The following KHDRBS2 variants were observed in gnomAD, a reference collection of about 807,000 sequenced individuals.
KHDRBS2 encodes the protein KH RNA binding domain containing, signal transduction associated 2, also known as KH domain-containing, RNA-binding, signal transduction-associated protein 2.
KHDRBS2 carries 26 observed loss-of-function variants against 44.3 expected under a neutral mutation model. The observed-to-expected ratio is 0.59, with a 90% confidence interval of 0.43 to 0.81. The LOEUF is 0.81. KHDRBS2 is among the 40% of genes least tolerant of loss of function. KHDRBS2 has a pLI of 0.00. For synonymous variants in KHDRBS2, 194 were observed against 151.1 expected, an observed-to-expected ratio of 1.28 and a Z score of -2.08; for missense variants, 476 against 433.1, an observed-to-expected ratio of 1.10 and a Z score of -0.88.
intron 2 of KHDRBS2, among the ~76,000 whole-genome samples, chr6:62,063,016 C>A (rs1175870102): frequency 2.7e-5 from 4 of 150,758 alleles, no homozygotes; most frequent in African/African-American, 9.7e-5. Flanking sequence ...TGCAAATAAA[C>A]TAGAAAATCT....
intron 1 of KHDRBS2, among the ~76,000 whole-genome samples, chr6:62,220,879 T>A (rs1830786975): frequency 1.3e-5 from 2 of 151,928 alleles, no homozygotes; most frequent in South Asian, 2.1e-4. Context: ...AAAGAAAAAA[T>A]TTGTTAGATT....
At chr6:61,546,537 G>A in the KHDRBS2 span, among the ~76,000 whole-genome samples, 1 of 152,090 alleles carries the variant, frequency 6.6e-6, no homozygotes. Flanking sequence ...CACAAAAATA[G>A]CATCTTCAAT....
At chr6:62,140,529 A>C (rs761135528) in intron 2 of KHDRBS2, among the ~76,000 whole-genome samples, 1 of 152,214 alleles carries the variant, frequency 6.6e-6, no homozygotes, top group African/African-American at 2.4e-5. Flanking sequence ...AGGGGTTCTT[A>C]ATTAAAATCC....
intron 1 of KHDRBS2, among the ~76,000 whole-genome samples, chr6:62,230,086 T>C (rs563315011): frequency 1.3e-5 from 2 of 152,318 alleles, no homozygotes; most frequent in Admixed American, 6.5e-5. Flanking sequence ...GCACCTTCCT[T>C]GCTGAAAATC....
chr6:62,203,605 G>T (rs995745638), intron 1 of KHDRBS2, among the ~76,000 whole-genome samples: 3 of 152,078 alleles, frequency 2.0e-5, no homozygotes, highest in African/African-American at 7.2e-5. Context: ...TTATGAGCTT[G>T]AGATGTTTGA....
chr6:61,786,329 T>C (rs1208039310), intron 6 of KHDRBS2, among the ~76,000 whole-genome samples: 1 of 152,062 alleles, frequency 6.6e-6, no homozygotes, highest in Non-Finnish European at 1.5e-5. Flanking sequence ...GAATCTCTTA[T>C]GAAACAGTCT....
intron 1 of KHDRBS2, among the ~76,000 whole-genome samples, chr6:62,251,042 G>C (rs754119105): frequency 6.6e-6 from 1 of 151,902 alleles, no homozygotes; most frequent in Non-Finnish European, 1.5e-5. Flanking sequence ...TTAAATCATT[G>C]AGGTTGATAA....
chr6:61,940,181 C>G (rs1037351411), intron 4 of KHDRBS2, among the ~76,000 whole-genome samples: 18 of 150,414 alleles, frequency 1.2e-4, no homozygotes, highest in Admixed American at 1.2e-3. Flanking sequence ...TGTTTGATAT[C>G]AGAAATATAT....
chr6:61,774,093 G>T (rs924696587), intron 6 of KHDRBS2, among the ~76,000 whole-genome samples: 2 of 152,132 alleles, frequency 1.3e-5, no homozygotes, highest in Non-Finnish European at 2.9e-5. Flanking sequence ...CTCCAGCTTT[G>T]TTCTTTTGGC....
chr6:61,924,508 GA>G (rs1808612721), intron 4 of KHDRBS2, among the ~76,000 whole-genome samples: 2 of 151,876 alleles, frequency 1.3e-5, no homozygotes, highest in Admixed American at 6.6e-5. Flanking sequence ...TTTTTATCAT[GA>G]ATATTAATCT....
At chr6:61,706,388 A>G (rs1561998361) in intron 7 of KHDRBS2, among the ~76,000 whole-genome samples, 1 of 151,864 alleles carries the variant, frequency 6.6e-6, no homozygotes. Flanking sequence ...AGAAGTTTGT[A>G]TCTAGAAAAG....
At chr6:62,125,388 G>A (rs1037731046) in intron 2 of KHDRBS2, among the ~76,000 whole-genome samples, 5 of 152,142 alleles carry the variant, frequency 3.3e-5, no homozygotes, top group African/African-American at 9.7e-5. Flanking sequence ...AAGTGCTCTA[G>A]GGTCCTCAGT....
At chr6:61,921,859 TTAC>T (rs1185007645) in intron 4 of KHDRBS2, among the ~76,000 whole-genome samples, 2 of 151,994 alleles carry the variant, frequency 1.3e-5, no homozygotes, top group Non-Finnish European at 2.9e-5. Context: ...GAATGATGTG[TTAC>T]TACTTTTAAA....
chr6:62,210,309 G>A (rs1230247579), intron 1 of KHDRBS2, among the ~76,000 whole-genome samples: 2 of 149,896 alleles, frequency 1.3e-5, no homozygotes, highest in Non-Finnish European at 3.0e-5. Flanking sequence ...AAAATAAAAG[G>A]CACATTATTC....
chr6:62,017,817 T>A (rs1158557481), intron 3 of KHDRBS2, among the ~76,000 whole-genome samples: 1 of 152,090 alleles, frequency 6.6e-6, no homozygotes. Context: ...AGCACACACA[T>A]CCCAAGTGTA....
chr6:62,229,723 A>T (rs1031374538), intron 1 of KHDRBS2, among the ~76,000 whole-genome samples: 1 of 152,010 alleles, frequency 6.6e-6, no homozygotes, highest in Non-Finnish European at 1.5e-5. Context: ...CTCACTCACA[A>T]TCTCACTTGG....
At chr6:61,915,555 C>T (rs1806839661) in intron 4 of KHDRBS2, among the ~76,000 whole-genome samples, 2 of 151,846 alleles carry the variant, frequency 1.3e-5, no homozygotes, top group South Asian at 2.1e-4. Context: ...GAAATGTGGC[C>T]GAATGCCTAT....
intron 6 of KHDRBS2, among the ~76,000 whole-genome samples, chr6:61,866,274 C>T (rs757257783): frequency 2.0e-5 from 3 of 152,324 alleles, no homozygotes; most frequent in South Asian, 2.1e-4. Flanking sequence ...TAGGTGGAGG[C>T]TCCCAAGCCC....
chr6:62,273,452 A>T (rs1219539574), intron 1 of KHDRBS2, among the ~76,000 whole-genome samples: 1 of 152,148 alleles, frequency 6.6e-6, no homozygotes, highest in Non-Finnish European at 1.5e-5. Context: ...TATTGAACAA[A>T]TCCTTCATTC....
Sources: gnomAD v4.1 joint callset for allele counts (sites outside exome capture counted in the v4.1 genomes callset) on GRCh38, gnomAD v4.1.1 for gene constraint, MANE v1.5 for transcripts, NCBI Gene and HGNC (gene_info 2026-07-23, HGNC 2026-07-21) for gene names.